KIF18A: variants seen among roughly 807,000 people sequenced by gnomAD.
KIF18A encodes kinesin-like protein KIF18A.
In KIF18A, 67 loss-of-function variants were observed where a neutral mutation model predicts 103.3. The observed-to-expected ratio is 0.65, with a 90% CI of 0.53 to 0.79. The LOEUF is 0.79. Ranked by LOEUF, KIF18A falls within the 30% of genes least tolerant of loss-of-function variation. KIF18A has a pLI of 0.00. For synonymous variants in KIF18A, 367 were observed against 355.5 expected (o/e 1.03, Z -0.36); for missense variants, 1,032 against 1,062.5 (o/e 0.97, Z 0.40).
chr11:28,086,093 C>A (rs886679124), intron 6 of KIF18A, among the ~76,000 whole-genome samples: 5 of 151,784 alleles, frequency 3.3e-5, no homozygotes, highest in African/African-American at 1.2e-4. Flanking sequence ...TAGGGAAAAC[C>A]AGGTGTGGAG....
At chr11:28,098,856 AAAC>A (rs996563902) in intron 1 of KIF18A, among the ~76,000 whole-genome samples, 5 of 151,136 alleles carry the variant, frequency 3.3e-5, no homozygotes, top group Non-Finnish European at 7.4e-5. Flanking sequence ...ACAAAAAAAC[AAAC>A]AACAACAACA....
chr11:28,037,528 G>A (rs1850508952), intron 13 of KIF18A, among the ~76,000 whole-genome samples: 1 of 151,502 alleles, frequency 6.6e-6, no homozygotes, highest in South Asian at 2.1e-4. Context: ...AGGGACTTGA[G>A]TATCCATGGA....
At chr11:28,023,692 G>T in intron 16 of KIF18A, 49 bp downstream of exon 16, 1 of 999,262 alleles carries the variant, frequency 1.0e-6, no homozygotes, top group Non-Finnish European at 1.6e-6. Context: ...TACTATATGT[G>T]TGTTACAGAG....
At chr11:28,076,225 T>C (rs576394732) in intron 10 of KIF18A, among the ~76,000 whole-genome samples, 3 of 152,242 alleles carry the variant, frequency 2.0e-5, no homozygotes, top group Admixed American at 6.5e-5. Context: ...ATAGTAAAAC[T>C]GATTAAATGT....
rs1313546439 is a variant in KIF18A at position 28,032,923 on chromosome 11, GAC to G, written c.2504+2462_2504+2463del. ...AAGGAAACAATCAATAAAGTGAAGA[GAC>G]AACCCACAGAATTACAGAAAATACC... On this transcript the variant is annotated intron_variant, in intron 15 of 16. Transcript: ENST00000263181. 2.0e-5 allele frequency among the ~76,000 whole-genome samples: 3 copies of G among 151,680 alleles called. No homozygotes were observed. In the East Asian group the frequency reaches 5.8e-4, roughly 29 times the overall value.
chr11:28,033,876 C>G (rs1850444739), intron 15 of KIF18A, among the ~76,000 whole-genome samples: 1 of 151,496 alleles, frequency 6.6e-6, no homozygotes, highest in Non-Finnish European at 1.5e-5. Flanking sequence ...GTTTATAACA[C>G]AAAGGATAAA....
intron 13 of KIF18A, among the ~76,000 whole-genome samples, chr11:28,042,244 AAGTTCACCTC>A (rs557525092): frequency 3.1e-4 from 47 of 151,994 alleles, no homozygotes; most frequent in Admixed American, 9.9e-4. Flanking sequence ...ATTGAAAATG[AAGTTCACCTC>A]CTAGGAAGTT....
intron 15 of KIF18A, among the ~76,000 whole-genome samples, chr11:28,034,800 T>G (rs1240645941): frequency 1.3e-5 from 2 of 151,766 alleles, no homozygotes; most frequent in Admixed American, 6.6e-5. Context: ...TAGCTGTCTA[T>G]AGCATGTTTC....
Position 28,102,250 on chromosome 11 carries a change from A to C in KIF18A, c.-46-4257T>G, listed in dbSNP as rs571296783. Among the ~76,000 whole-genome samples the C allele has an allele frequency of 7.2e-5, 11 of 152,310 alleles. No homozygotes were observed. The South Asian group carries it at 1.2e-3, about 17-fold the overall frequency. On this transcript the variant is annotated intron_variant, in intron 1 of 16. Transcript: ENST00000263181. Reference sequence around the variant, plus strand: ...ATTTGCTGAGAGCTTCCTCTGCAAAATAAAACTTGGTCTCCACAATTATTT... The same window carrying C: ...ATTTGCTGAGAGCTTCCTCTGCAAACTAAAACTTGGTCTCCACAATTATTT...
In KIF18A at chr11:28,066,782, A is replaced by AATTATATTAT. The variant is rs11273276; in HGVS notation, c.1590+2467_1590+2476dup. 9.8e-3 allele frequency among the ~76,000 whole-genome samples: 1,400 copies of AATTATATTAT among 142,400 alleles called. 10 individuals are homozygous for AATTATATTAT. The highest frequency in any genetic ancestry group is 0.016 in the East Asian group (77 of 4,828). 93.4% of individuals were successfully genotyped at this position (142,400 alleles called of 152,430 possible). A position where few individuals can be genotyped will look rare whatever the true frequency, so the allele number is the denominator to read the frequency against. ...GTCAGAATCATTGTTCTGGAAGAGA[A>AATTATATTAT]ATTATATTATATTATATTATATTAT... On this transcript the variant is annotated intron_variant, in intron 11 of 16. Transcript: ENST00000263181.
Position 28,064,299 on chromosome 11 carries a change from C to A in KIF18A, c.1591-1783G>T, listed in dbSNP as rs1590689207. On this transcript the variant is annotated intron_variant, in intron 11 of 16. Transcript: ENST00000263181. Reference sequence around the variant, plus strand: ...GGGCTTAGCCTTGAAACAAATGTCACCTTAAGCCAAATATATGCCCTTTAT... The same window carrying A: ...GGGCTTAGCCTTGAAACAAATGTCAACTTAAGCCAAATATATGCCCTTTAT... Among the ~76,000 whole-genome samples, 3 of 151,872 alleles carry A rather than the reference C, an allele frequency of 2.0e-5. No homozygotes were observed. In the South Asian group the frequency reaches 6.2e-4, roughly 31 times the overall value.
intron 5 of KIF18A, among the ~76,000 whole-genome samples, chr11:28,089,798 A>G (rs1022200990): frequency 6.6e-6 from 1 of 152,236 alleles, no homozygotes; most frequent in Non-Finnish European, 1.5e-5. Flanking sequence ...GTGGCAAACA[A>G]AAGATGAGGA....
intron 2 of KIF18A, 95 bp downstream of exon 2, chr11:28,097,528 A>T: frequency 1.2e-6 from 1 of 832,690 alleles, no homozygotes; most frequent in Non-Finnish European, 2.0e-6. Context: ...CAAGCTCCTT[A>T]AATTTGATTA....
At chr11:28,034,220 T>C (rs965687662) in intron 15 of KIF18A, among the ~76,000 whole-genome samples, 1 of 151,756 alleles carries the variant, frequency 6.6e-6, no homozygotes, top group Non-Finnish European at 1.5e-5. Flanking sequence ...AATTCCAATA[T>C]CTGCCTCACG....
In KIF18A at chr11:28,097,924, C is replaced by T; in HGVS notation, c.24G>A (p.Leu8=). 1 of 1,587,510 alleles carries T rather than the reference C, an allele frequency of 6.3e-7. No homozygotes were observed. Among genetic ancestry groups the T allele is most frequent in the African/African-American group, 1.4e-5 (1 of 73,724 alleles). MSVTEED[L]CHHMKVVVRV... ...GAACTACTACTTTCATATGGTGGCA[C>T]AGGTCTTCCTCAGTGACAGACATTG... The change falls in exon 2 of 17, where the codon CTG becomes CTA. Residue 8 remains leucine, a synonymous_variant. Transcript: ENST00000263181.
chr11:28,104,001 T>A (rs957797699), intron 1 of KIF18A, among the ~76,000 whole-genome samples: 2 of 152,198 alleles, frequency 1.3e-5, no homozygotes, highest in Admixed American at 1.3e-4. Flanking sequence ...AGCTCATGCC[T>A]CTGCAATGTT....
intron 15 of KIF18A, among the ~76,000 whole-genome samples, chr11:28,028,740 G>A (rs1850354234): frequency 6.6e-6 from 1 of 152,026 alleles, no homozygotes; most frequent in Non-Finnish European, 1.5e-5. Flanking sequence ...GAATCCAGGA[G>A]CTGGTTTTTT....
chr11:28,027,622 G>T (rs559660131), intron 15 of KIF18A, among the ~76,000 whole-genome samples: 15 of 151,708 alleles, frequency 9.9e-5, no homozygotes, highest in African/African-American at 3.6e-4. Context: ...CATCAGTTTG[G>T]ATATTTTCCT....
chr11:28,066,530 G>A (rs892336076), intron 11 of KIF18A, among the ~76,000 whole-genome samples: 40 of 151,376 alleles, frequency 2.6e-4, no homozygotes, highest in African/African-American at 9.2e-4. Context: ...TACTCCTTTT[G>A]AGTCATTATA....
Sources: gnomAD v4.1 joint callset for allele counts (sites outside exome capture counted in the v4.1 genomes callset) on GRCh38, gnomAD v4.1.1 for gene constraint, MANE v1.5 for transcripts, NCBI Gene and HGNC (gene_info 2026-07-23, HGNC 2026-07-21) for gene names.